ZFAT: variants seen among roughly 807,000 people sequenced by gnomAD.
ZFAT encodes zinc finger protein ZFAT.
Under a neutral mutation model 117.7 loss-of-function variants are expected in ZFAT, and 64 were observed. The observed-to-expected ratio is 0.54, with a 90% CI of 0.44 to 0.67. The LOEUF (loss-of-function observed/expected upper bound fraction) is 0.67. Ranked by LOEUF, ZFAT falls within the 30% of genes least tolerant of loss-of-function variation. The probability of loss-of-function intolerance (pLI) is 0.00; values close to 1 mark genes in which losing one functional copy is unlikely to be tolerated. For synonymous variants in ZFAT, 679 were observed against 615.0 expected, an observed-to-expected ratio of 1.10 and a Z score of -1.54; for missense variants, 1,433 against 1,584.5, an observed-to-expected ratio of 0.90 and a Z score of 1.62.
At chr8:134,487,452 C>A (rs535580607) in intron 15 of ZFAT, among the ~76,000 whole-genome samples, 1 of 152,186 alleles carries the variant, frequency 6.6e-6, no homozygotes, top group East Asian at 1.9e-4. Context: ...CTCAGAGAGT[C>A]GATGTGAGCC....
At chr8:134,656,372 AC>A (rs1831603629) in intron 2 of ZFAT, among the ~76,000 whole-genome samples, 2 of 152,092 alleles carry the variant, frequency 1.3e-5, no homozygotes, top group Admixed American at 1.3e-4. Flanking sequence ...ATGGACACAC[AC>A]CCTATTAGCT....
Position 134,509,698 on chromosome 8 carries a change from A to G in ZFAT, c.3413T>C (p.Leu1138Pro). The change falls in exon 15 of 16, where the codon CTG becomes CCG. Residue 1138 changes from leucine (L) to proline (P), a missense_variant. This residue lies in a region of ZFAT where 503 missense variants were observed against 543.4 expected (regional missense o/e 0.93). Transcript: ENST00000377838. ...AGTGGCGTCATGGGTCTCGGCGCCC[A>G]GCTCAATGATCTGCTGCAGGATGTT... ...AVNILQQIIELGAETHDATAL... is the reference protein window; with the variant it reads ...AVNILQQIIEPGAETHDATAL... 6.2e-7 allele frequency: 1 copy of G among 1,611,970 alleles called. No homozygotes were observed. Among genetic ancestry groups the G allele is most frequent in the Non-Finnish European group, 8.5e-7 (1 of 1,179,370 alleles).
intron 1 of ZFAT, among the ~76,000 whole-genome samples, chr8:134,678,600 A>G (rs1350092389): frequency 6.6e-6 from 1 of 152,194 alleles, no homozygotes; most frequent in Non-Finnish European, 1.5e-5. Context: ...TTTCATATGG[A>G]ACCAAATAAA....
chr8:134,823,477 C>T, the ZFAT span, among the ~76,000 whole-genome samples: 1 of 152,158 alleles, frequency 6.6e-6, no homozygotes, highest in Non-Finnish European at 1.5e-5. Flanking sequence ...CTCTTCCCCA[C>T]AGCCATATAA....
At chr8:134,633,198 ATCTG>A (rs1830001404) in intron 3 of ZFAT, among the ~76,000 whole-genome samples, 1 of 126,906 alleles carries the variant, frequency 7.9e-6, no homozygotes, top group East Asian at 9.5e-4. Flanking sequence ...TGCTGAAACT[ATCTG>A]TGTCTCTGTT....
At chr8:134,489,053 G>A (rs1208991064) in intron 15 of ZFAT, among the ~76,000 whole-genome samples, 1 of 151,404 alleles carries the variant, frequency 6.6e-6, no homozygotes, top group Non-Finnish European at 1.5e-5. Flanking sequence ...AAAGACTAGA[G>A]AGACCATCAG....
chr8:134,712,402 G>A (rs1208987308), intron 1 of ZFAT, among the ~76,000 whole-genome samples: 1 of 152,134 alleles, frequency 6.6e-6, no homozygotes, highest in African/African-American at 2.4e-5. Flanking sequence ...CACTCTATTA[G>A]GTCCAGCCGG....
intron 9 of ZFAT, among the ~76,000 whole-genome samples, chr8:134,586,848 C>T (rs932510527): frequency 2.6e-5 from 4 of 152,310 alleles, no homozygotes; most frequent in African/African-American, 7.2e-5. Context: ...ATCCCAGTTC[C>T]ACCACTTGTT....
intron 1 of ZFAT, among the ~76,000 whole-genome samples, chr8:134,666,991 A>G (rs1193995040): frequency 6.6e-6 from 1 of 152,230 alleles, no homozygotes; most frequent in Non-Finnish European, 1.5e-5. Context: ...TTGAAGGGAC[A>G]TGGATGAAGG....
chr8:134,702,964 C>A (rs917367639), intron 1 of ZFAT, among the ~76,000 whole-genome samples: 1 of 152,246 alleles, frequency 6.6e-6, no homozygotes, highest in African/African-American at 2.4e-5. Context: ...AGCCACCGCA[C>A]CCAGCCTAAA....
chr8:134,677,269 C>T (rs1832850991), intron 1 of ZFAT, among the ~76,000 whole-genome samples: 2 of 152,242 alleles, frequency 1.3e-5, no homozygotes, highest in African/African-American at 2.4e-5. Flanking sequence ...GCCATCACTA[C>T]CAATCCCACA....
chr8:134,780,360 T>G, the ZFAT span, among the ~76,000 whole-genome samples: 254 of 152,278 alleles, frequency 1.7e-3, no homozygotes, highest in African/African-American at 5.8e-3. Flanking sequence ...TAGCTATCAC[T>G]CTCCCTTGCT....
At chr8:134,651,117 T>C (rs1241105405) in intron 2 of ZFAT, among the ~76,000 whole-genome samples, 1 of 152,220 alleles carries the variant, frequency 6.6e-6, no homozygotes, top group East Asian at 1.9e-4. Flanking sequence ...TTGAAAAAAG[T>C]TTGACAGTCC....
At chr8:134,744,891 G>T in the ZFAT span, among the ~76,000 whole-genome samples, 1 of 151,732 alleles carries the variant, frequency 6.6e-6, no homozygotes, top group Non-Finnish European at 1.5e-5. Context: ...CACCAGGCCC[G>T]GCTACTTTTT....
At chr8:134,489,560 G>GCT (rs1359898921) in intron 15 of ZFAT, among the ~76,000 whole-genome samples, 2 of 152,088 alleles carry the variant, frequency 1.3e-5, no homozygotes, top group Non-Finnish European at 2.9e-5. Flanking sequence ...GTCCTCTCTG[G>GCT]CTGTTCTCTC....
chr8:134,757,251 A>G, the ZFAT span, among the ~76,000 whole-genome samples: 4 of 152,080 alleles, frequency 2.6e-5, no homozygotes, highest in South Asian at 6.2e-4. Context: ...TCCTGACCTC[A>G]GGAGATCCAC....
intron 10 of ZFAT, chr8:134,565,726 G>A: frequency 2.2e-6 from 1 of 452,090 alleles, no homozygotes; most frequent in Non-Finnish European, 4.1e-6. Context: ...GCTGCCCAGA[G>A]AGAAGGGCAT....
chr8:134,717,220 G>A (rs117338996), upstream of ZFAT, among the ~76,000 whole-genome samples: 2,132 of 152,134 alleles, frequency 0.014, 23 homozygotes, highest in Non-Finnish European at 0.023. Flanking sequence ...ATGCACATGG[G>A]AGTGAAGATT....
intron 1 of ZFAT, among the ~76,000 whole-genome samples, chr8:134,680,960 T>C (rs1194793010): frequency 6.6e-6 from 1 of 152,188 alleles, no homozygotes; most frequent in African/African-American, 2.4e-5. Flanking sequence ...AAAATACACA[T>C]TTAAAAAAAT....
Sources: gnomAD v4.1 joint callset for allele counts (sites outside exome capture counted in the v4.1 genomes callset) on GRCh38, gnomAD v4.1.1 for gene constraint, gnomAD v4.1.1 regional missense constraint, MANE v1.5 for transcripts, NCBI Gene and HGNC (gene_info 2026-07-23, HGNC 2026-07-21) for gene names.